Variants in ABCC5 observed in about 807,000 individuals in gnomAD.
ABCC5 encodes ATP binding cassette subfamily C member 5.
In ABCC5, 61 loss-of-function variants were observed where a neutral mutation model predicts 160.9. The observed-to-expected ratio is 0.38, with a 90% CI of 0.31 to 0.47. The LOEUF is 0.47. ABCC5 is among the 20% of genes least tolerant of loss of function. The probability of loss-of-function intolerance (pLI) is 0.99; values close to 1 mark genes in which losing one functional copy is unlikely to be tolerated. For missense variants in ABCC5, 1,308 were observed against 1,813.3 expected, an observed-to-expected ratio of 0.72 and a Z score of 5.06; for synonymous variants, 666 against 700.6, an observed-to-expected ratio of 0.95 and a Z score of 0.78.
At chr3:183,925,806 T>TTAGTA in intron 28 of ABCC5, 87 bp from the exon 29 acceptor site, 1 of 1,327,054 alleles carries the variant, frequency 7.5e-7, no homozygotes, top group Non-Finnish European at 1.0e-6. Context: ...GTATTTCATT[T>TTAGTA]AAGTTTTACA....
Position 183,988,016 on chromosome 3 carries a change from A to T in ABCC5, c.444-99T>A. On this transcript the variant is annotated intron_variant, in intron 4 of 29. Transcript: ENST00000334444. The surrounding 1 kb of genome is among the most constrained non-coding windows in gnomAD (Gnocchi z 4.4). The stretch of plus-strand genomic sequence containing the variant: ...CTTTTTGTCTCCAGGTTTTGCCACC[A>T]CTCACACAAGTCTCTCCTTTAAAAT... The T allele has an allele frequency of 7.4e-7, 1 of 1,345,568 alleles. No homozygotes were observed. The allele number at this position is 1,345,568 out of a possible 1,614,324, so 83.4% of individuals were successfully genotyped here.
rs540355813 is a variant in ABCC5 at position 183,963,296 on chromosome 3, T to C, written c.2235+89A>G. On this transcript the variant is annotated intron_variant, in intron 15 of 29. Transcript: ENST00000334444. The surrounding 1 kb of genome is among the most constrained non-coding windows in gnomAD (Gnocchi z 4.6). ...AACCTTGATTCCAGGAATTTCTAGT[T>C]ATAACACAAGGATACCTGGAGCAAA... is the stretch of plus-strand genomic sequence containing the variant. 13 of 1,394,124 alleles carry C rather than the reference T, an allele frequency of 9.3e-6. No individual in the cohort carries two copies. In the African/African-American group the frequency reaches 1.0e-4, roughly 11 times the overall value. The allele number at this position is 1,394,124 out of a possible 1,614,324, so 86.4% of individuals were successfully genotyped here. A position where few individuals can be genotyped will look rare whatever the true frequency, so the allele number is the denominator to read the frequency against.
At chr3:183,939,189 T>G (rs552871620) in intron 25 of ABCC5, among the ~76,000 whole-genome samples, 1 of 152,182 alleles carries the variant, frequency 6.6e-6, no homozygotes, top group Non-Finnish European at 1.5e-5. Context: ...TCCCAGCACT[T>G]TGGGAGGCTG....
At position 183,951,563 on chromosome 3, in the gene ABCC5, A is replaced by G; in HGVS notation, c.2822T>C (p.Leu941Pro). Residue 941 changes from leucine (L) to proline (P), a missense_variant, in exon 20 of 30, where the codon CTG becomes CCG. By Grantham distance (98) the Leu-to-Pro change is moderately conservative. Coordinates refer to ENST00000334444, the MANE Select transcript of ABCC5 (RefSeq NM_005688.4). The surrounding 1 kb of genome is among the most constrained non-coding windows in gnomAD (Gnocchi z 4.7). ...GTCATGCAGCCGGGAGGAAGCTCGCAGCGTGCCCTGAGGAGCAGAGCACAG... is the reference window on the plus strand; with the variant it reads ...GTCATGCAGCCGGGAGGAAGCTCGCGGCGTGCCCTGAGGAGCAGAGCACAG... ...IRGVVFVKGT[L>P]RASSRLHDEL... 6.2e-7 allele frequency: 1 copy of G among 1,614,142 alleles called. No homozygotes were observed. The highest frequency in any genetic ancestry group is 8.5e-7 in the Non-Finnish European group (1 of 1,180,028).
chr3:183,967,538 G>A, intron 12 of ABCC5, 157 bp downstream of exon 12: 1 of 674,416 alleles, frequency 1.5e-6, no homozygotes, highest in Non-Finnish European at 2.6e-6. Flanking sequence ...TGAAGGGGGA[G>A]AACTGGGGGG....
chr3:183,963,702 C>T lies in ABCC5; in HGVS notation c.2032-114G>A. The stretch of plus-strand genomic sequence containing the variant: ...CCAGACCAGCTCCTTCTGTCAATTC[C>T]CCGCAGATGAACTGCCATGCTGATT... On this transcript the variant is annotated intron_variant, in intron 14 of 29. Coordinates refer to ENST00000334444, the MANE Select transcript of ABCC5 (RefSeq NM_005688.4). This position sits in a 1 kb window ranked among gnomAD's most constrained non-coding sequence, Gnocchi z 4.6. 1.1e-6 allele frequency: 1 copy of T among 903,382 alleles called. No homozygotes were observed. Among genetic ancestry groups the T allele is most frequent in the South Asian group, 1.6e-5 (1 of 61,564 alleles). The allele number at this position is 903,382 out of a possible 1,614,324, so 56.0% of individuals were successfully genotyped here.
chr3:183,941,780 C>T (rs565282773), intron 25 of ABCC5, among the ~76,000 whole-genome samples: 17 of 151,938 alleles, frequency 1.1e-4, no homozygotes, highest in South Asian at 4.2e-4. Flanking sequence ...GTCAGGAAAT[C>T]GAGACCGTCC....
chr3:183,933,107 G>A (rs1361908494), intron 26 of ABCC5, among the ~76,000 whole-genome samples: 2 of 146,804 alleles, frequency 1.4e-5, no homozygotes, highest in East Asian at 2.0e-4. Flanking sequence ...GGTGGAGGCT[G>A]CAGTGAGCAG....
At chr3:183,969,816 G>A (rs914277301) in intron 11 of ABCC5, among the ~76,000 whole-genome samples, 13 of 152,082 alleles carry the variant, frequency 8.5e-5, no homozygotes, top group African/African-American at 2.9e-4. Flanking sequence ...AGCTTTTAAG[G>A]GCTGGAAGCT....
chr3:183,947,073 G>A (rs1474812918), intron 23 of ABCC5, among the ~76,000 whole-genome samples: 1 of 152,154 alleles, frequency 6.6e-6, no homozygotes. Flanking sequence ...GAAGAAAACA[G>A]CATCTACTTC....
chr3:183,982,693 A>C lies in ABCC5; in HGVS notation c.826-69T>G, dbSNP rs1275912590. 6.2e-7 allele frequency: 1 copy of C among 1,608,254 alleles called. No homozygotes were observed. The highest frequency in any genetic ancestry group is 8.5e-7 in the Non-Finnish European group (1 of 1,175,346). On this transcript the variant is annotated intron_variant, in intron 6 of 29. Transcript: ENST00000334444. The surrounding 1 kb of genome is among the most constrained non-coding windows in gnomAD (Gnocchi z 5.2). Reference sequence around the variant, plus strand: ...GTTCATTTGTCTCAGGAGGAAGATAAAGGATAAGGCAGGGCCCTAGAGGAA... The same window carrying C: ...GTTCATTTGTCTCAGGAGGAAGATACAGGATAAGGCAGGGCCCTAGAGGAA...
At chr3:183,971,495 G>T in intron 11 of ABCC5, 68 bp downstream of exon 11, 2 of 1,419,428 alleles carry the variant, frequency 1.4e-6, no homozygotes, top group Non-Finnish European at 9.7e-7. Flanking sequence ...AACAGCAGCC[G>T]CCTATTGGTG....
chr3:183,979,935 G>A (rs992364170), intron 8 of ABCC5, among the ~76,000 whole-genome samples: 1 of 151,978 alleles, frequency 6.6e-6, no homozygotes, highest in African/African-American at 2.4e-5. Context: ...GAGTGCAGTG[G>A]TGTGATCTCA....
rs779200630 is a variant in ABCC5, at chr3:183,981,894, C to G, written c.1000-20G>C. On this transcript the variant is annotated intron_variant, in intron 7 of 29. Coordinates refer to ENST00000334444, the MANE Select transcript of ABCC5 (RefSeq NM_005688.4). ...AAACATCTGAAAGGAAAAGCGATGC[C>G]ACGCCAAATTAAAGCTCATTCAAAC... 3 of 1,581,456 alleles carry G rather than the reference C, an allele frequency of 1.9e-6. No individual in the cohort carries two copies. In the East Asian group the frequency reaches 6.8e-5, roughly 36 times the overall value.
rs1560006852 is a variant in ABCC5 at position 183,957,775 on chromosome 3, C to CGCGGATCCGTGT, written c.2482+1957_2482+1958insACACGGATCCGC. 1.6e-4 allele frequency among the ~76,000 whole-genome samples: 7 copies of CGCGGATCCGTGT among 44,510 alleles called. No individual in the cohort carries two copies. In the East Asian group the frequency reaches 4.2e-3, roughly 27 times the overall value. 29.2% of individuals were successfully genotyped at this position (44,510 alleles called of 152,430 possible). A position where few individuals can be genotyped will look rare whatever the true frequency, so the allele number is the denominator to read the frequency against. On this transcript the variant is annotated intron_variant, in intron 17 of 29. Coordinates refer to ENST00000334444, the MANE Select transcript of ABCC5 (RefSeq NM_005688.4). ...CCGTGTGTATATCACATCGGTTACA[C>CGCGGATCCGTGT]GTAAATCCGTGTGTATATCACATCG...
chr3:183,975,348 C>T (rs888526481), intron 10 of ABCC5, among the ~76,000 whole-genome samples: 3 of 151,408 alleles, frequency 2.0e-5, no homozygotes. Flanking sequence ...CACTCGTTAT[C>T]TTTTTTTTTC....
intron 28 of ABCC5, among the ~76,000 whole-genome samples, chr3:183,926,286 T>A (rs1712547795): frequency 2.0e-5 from 3 of 151,366 alleles, no homozygotes; most frequent in Non-Finnish European, 4.4e-5. Flanking sequence ...GCGCAGTGGC[T>A]CATGCCTGTA....
chr3:183,985,027 GT>G, intron 5 of ABCC5: 1 of 778,644 alleles, frequency 1.3e-6, no homozygotes. Context: ...CATAGTGAAT[GT>G]TTACACTATG....
At chr3:183,943,080 A>G (rs1260687427) in intron 24 of ABCC5, among the ~76,000 whole-genome samples, 164 bp from the exon 25 acceptor site, 2 of 152,182 alleles carry the variant, frequency 1.3e-5, no homozygotes, top group Non-Finnish European at 2.9e-5. Flanking sequence ...AATGCTTATC[A>G]TCACTAAACT....
Sources: gnomAD v4.1 joint callset for allele counts (sites outside exome capture counted in the v4.1 genomes callset) on GRCh38, gnomAD v4.1.1 for gene constraint, Gnocchi (gnomAD v3.1) non-coding constraint, MANE v1.5 for transcripts, NCBI Gene and HGNC (gene_info 2026-07-23, HGNC 2026-07-21) for gene names.